The following ZNF786 variants were observed in gnomAD, a reference collection of about 807,000 sequenced individuals.
ZNF786 encodes zinc finger protein 786.
A neutral mutation model predicts 63.1 loss-of-function variants in ZNF786; 56 were observed. That is an observed-to-expected ratio of 0.89 (90% CI 0.72 to 1.11). The LOEUF is 1.11. ZNF786 is among the 50% of genes least tolerant of loss of function. ZNF786 has a pLI of 0.00. For missense variants in ZNF786, 1,213 were observed against 1,041.8 expected, an observed-to-expected ratio of 1.16 and a Z score of -2.26; for synonymous variants, 485 against 406.9, an observed-to-expected ratio of 1.19 and a Z score of -2.31.
intron 1 of ZNF786, among the ~76,000 whole-genome samples, chr7:149,084,775 C>T (rs187798717): frequency 3.6e-4 from 55 of 152,274 alleles, no homozygotes; most frequent in African/African-American, 1.3e-3. Flanking sequence ...TCTTTTGCTG[C>T]ATAGAAGCTC....
Position 149,070,306 on chromosome 7 carries a change from T to C in ZNF786, c.*117A>G. 2.9e-6 allele frequency: 4 copies of C among 1,358,822 alleles called. No individual in the cohort carries two copies. Among genetic ancestry groups the C allele is most frequent in the Non-Finnish European group, 4.0e-6 (4 of 993,980 alleles). The allele number at this position is 1,358,822 out of a possible 1,614,324, so 84.2% of individuals were successfully genotyped here. ...CATATTCCTAACTTGCATGACACTC[T>C]TGCTCAAAGAAGGATACCTGCTCCT... is the stretch of plus-strand genomic sequence containing the variant. On this transcript the variant is annotated 3_prime_UTR_variant, in exon 4 of 4. Coordinates refer to ENST00000491431, the MANE Select transcript of ZNF786 (RefSeq NM_152411.4).
At chr7:149,074,590 C>CT in intron 2 of ZNF786, 52 bp from the exon 3 acceptor site, 1 of 1,554,870 alleles carries the variant, frequency 6.4e-7, no homozygotes, top group South Asian at 1.2e-5. Context: ...TTAAAGCACA[C>CT]TAAGTTTCTA....
At position 149,072,195 on chromosome 7, in the gene ZNF786, C is replaced by A. The variant is rs774438128; in HGVS notation, c.577G>T (p.Gly193Trp). The A allele has an allele frequency of 6.0e-5, 96 of 1,613,328 alleles. 2 individuals are homozygous for A. The South Asian group carries it at 9.1e-4, about 15-fold the overall frequency. The change falls in exon 4 of 4, where the codon GGG becomes TGG. Residue 193 changes from glycine (G) to tryptophan (W), a missense_variant. Physicochemically the swap from Gly to Trp is radical, Grantham distance 184 (BLOSUM62 -2). Coordinates refer to ENST00000491431, the MANE Select transcript of ZNF786 (RefSeq NM_152411.4). Reference sequence around the variant, plus strand: ...TGGTTGTTCTCCCAACAGCTTTCCCCGCAGACAGGCCAAGGGTGCTGGGTG... The same window carrying A: ...TGGTTGTTCTCCCAACAGCTTTCCCAGCAGACAGGCCAAGGGTGCTGGGTG... ...ESTQHPWPVCGESCWENNHLV... is the reference protein window; with the variant it reads ...ESTQHPWPVCWESCWENNHLV...
At chr7:149,087,406 A>AT (rs1825755944) in intron 1 of ZNF786, among the ~76,000 whole-genome samples, 1 of 152,156 alleles carries the variant, frequency 6.6e-6, no homozygotes, top group Non-Finnish European at 1.5e-5. Flanking sequence ...CCCTGGCAAC[A>AT]TTTTTTATTG....
In ZNF786 at chr7:149,071,642, C is replaced by G. The variant is rs773179415; in HGVS notation, c.1130G>C (p.Arg377Pro). Residue 377 changes from arginine (R) to proline (P), a missense_variant, in exon 4 of 4, where the codon CGC (arginine) becomes CCC (proline). Physicochemically the swap from Arg to Pro is moderately radical, Grantham distance 103 (BLOSUM62 -2). Transcript: ENST00000491431. ...GGCGAGCCTGGCGCTCATAGGGGAGCGCTCGCCACACTCCGAGCAGGAGCA... is the reference window on the plus strand; with the variant it reads ...GGCGAGCCTGGCGCTCATAGGGGAGGGCTCGCCACACTCCGAGCAGGAGCA... ...GPCSCSECGERSPMSARLASP... is the reference protein window; with the variant it reads ...GPCSCSECGEPSPMSARLASP... The G allele has an allele frequency of 3.8e-6, 6 of 1,576,574 alleles. No homozygotes were observed. In the Admixed American group the frequency reaches 1.1e-4, roughly 29 times the overall value.
intron 1 of ZNF786, among the ~76,000 whole-genome samples, chr7:149,084,570 A>G (rs1180910345): frequency 1.3e-5 from 2 of 152,174 alleles, no homozygotes; most frequent in Non-Finnish European, 2.9e-5. Context: ...GCATTTCTTC[A>G]TAAGCTTGTT....
intron 1 of ZNF786, among the ~76,000 whole-genome samples, chr7:149,087,865 C>T (rs1825762752): frequency 6.6e-6 from 1 of 151,420 alleles, no homozygotes; most frequent in East Asian, 1.9e-4. Context: ...ACACAGCTTA[C>T]CATAGCTTTG....
chr7:149,071,133 G>A lies in ZNF786; in HGVS notation c.1639C>T (p.Arg547Cys), dbSNP rs375385648. ...TGGGCCTTCAGGATGCCCTTCAGGC[G>A]GAAGCGCTTGTCGCACTTCAGGCAC... The part of the protein sequence containing the change: ...FQCLKCDKRF[R>C]LKGILKAHQH... The change falls in exon 4 of 4, where the codon CGC (arginine) becomes TGC (cysteine). Residue 547 changes from arginine to cysteine, a missense_variant. Arg to Cys is a radical substitution (Grantham distance 180). Coordinates refer to ENST00000491431, the MANE Select transcript of ZNF786 (RefSeq NM_152411.4). 3 of 1,611,580 alleles carry A rather than the reference G, an allele frequency of 1.9e-6. No individual in the cohort carries two copies. The highest frequency in any genetic ancestry group is 1.1e-5 in the South Asian group (1 of 91,018).
chr7:149,072,801 C>G (rs1825455830), intron 3 of ZNF786, among the ~76,000 whole-genome samples: 1 of 152,234 alleles, frequency 6.6e-6, no homozygotes, highest in African/African-American at 2.4e-5. Flanking sequence ...CTTTTGACTT[C>G]AGCTCCTTCT....
In ZNF786 at chr7:149,070,192, CAG is replaced by C. The variant is rs901487235; in HGVS notation, c.*229_*230del. 17 of 445,924 alleles carry C rather than the reference CAG, an allele frequency of 3.8e-5. No homozygotes were observed. Among genetic ancestry groups the C allele is most frequent in the Non-Finnish European group, 2.3e-5 (6 of 260,716 alleles). 27.6% of individuals were successfully genotyped at this position (445,924 alleles called of 1,614,324 possible). On this transcript the variant is annotated 3_prime_UTR_variant, in exon 4 of 4. Coordinates refer to ENST00000491431, the MANE Select transcript of ZNF786 (RefSeq NM_152411.4). ...CGCCACTGCACTCCAGCCTGGGTGA[CAG>C]AGCAAAACTCCATCTTGGAAAAAAA...
At chr7:149,081,906 G>C (rs1825659133) in intron 1 of ZNF786, among the ~76,000 whole-genome samples, 1 of 152,084 alleles carries the variant, frequency 6.6e-6, no homozygotes. Flanking sequence ...ATTCAACAAA[G>C]TCTCAGGTAA....
Position 149,072,460 on chromosome 7 carries a change from A to G in ZNF786, c.312T>C (p.Ala104=), listed in dbSNP as rs751613178. Residue 104 remains alanine (A), a synonymous_variant, in exon 4 of 4, where the codon GCT becomes GCC. Transcript: ENST00000491431. ...GGCTTTTAGTTTTTCCTGAATTCAT[A>G]GCCTGCTGGCTTCCTGCAATTGAAA... The part of the protein sequence containing the change: ...EEQLFWGSQQ[A]MNSGKTKSHF... 9 of 1,590,610 alleles carry G rather than the reference A, an allele frequency of 5.7e-6. No individual in the cohort carries two copies. Among genetic ancestry groups the G allele is most frequent in the Non-Finnish European group, 6.8e-6 (8 of 1,169,970 alleles).
intron 1 of ZNF786, chr7:149,081,233 C>A: frequency 2.2e-6 from 1 of 448,696 alleles, no homozygotes. Flanking sequence ...GTCAGGAGTT[C>A]GAGATCAGCC....
chr7:149,077,363 C>CA (rs1825571073), intron 2 of ZNF786, among the ~76,000 whole-genome samples: 1 of 152,138 alleles, frequency 6.6e-6, no homozygotes, highest in African/African-American at 2.4e-5. Flanking sequence ...CGTGGTGACT[C>CA]ACGCCTGTAA....
chr7:149,071,865 TG>T lies in ZNF786; in HGVS notation c.906del (p.Lys303SerfsTer78), dbSNP rs1461053160. 6.3e-7 allele frequency: 1 copy of T among 1,599,616 alleles called. No homozygotes were observed. Among genetic ancestry groups the T allele is most frequent in the Non-Finnish European group, 8.5e-7 (1 of 1,176,012 alleles). ...GEKPAQCTPC[G>X]KRSLPVDSTQ... Reference sequence around the variant, plus strand: ...GTGCTGTCCACTGGGAGGGAGCGCTTGCCGCATGGGGTGCACTGGGCAGGCT... The same window carrying T: ...GTGCTGTCCACTGGGAGGGAGCGCTTCCGCATGGGGTGCACTGGGCAGGCT... On this transcript the variant is annotated frameshift_variant, in exon 4 of 4. Transcript: ENST00000491431. LOFTEE classifies it high-confidence loss of function.
chr7:149,089,337 T>C (rs1426812995), intron 1 of ZNF786, among the ~76,000 whole-genome samples: 6 of 141,084 alleles, frequency 4.3e-5, no homozygotes, highest in African/African-American at 1.1e-4. Flanking sequence ...GTTTTTGAGA[T>C]AGAGTCTCGC....
At position 149,070,713 on chromosome 7, in the gene ZNF786, G is replaced by A; in HGVS notation, c.2059C>T (p.Leu687=). 4 of 1,613,840 alleles carry A rather than the reference G, an allele frequency of 2.5e-6. No individual in the cohort carries two copies. The highest frequency in any genetic ancestry group is 1.1e-5 in the South Asian group (1 of 91,086). The change falls in exon 4 of 4, where the codon CTG becomes TTG. Residue 687 remains leucine (L), a synonymous_variant. Coordinates refer to ENST00000491431, the MANE Select transcript of ZNF786 (RefSeq NM_152411.4). ...TGATGGCTGAGCAGCTGCGCCTTCA[G>A]GCGGAAACTCTTGTCACACTTGGGA... The part of the protein sequence containing the change: ...QCPKCDKSFR[L]KAQLLSHQGL...
chr7:149,070,266 T>G lies in ZNF786; in HGVS notation c.*157A>C, dbSNP rs1159638910. On this transcript the variant is annotated 3_prime_UTR_variant, in exon 4 of 4. Coordinates refer to ENST00000491431, the MANE Select transcript of ZNF786 (RefSeq NM_152411.4). ...ATTGGTGATGCTTCTGAAGAGAAAA[T>G]CCTTTGTGGTTCTTCATATTCCTAA... 1 of 855,120 alleles carries G rather than the reference T, an allele frequency of 1.2e-6. No individual in the cohort carries two copies. The highest frequency in any genetic ancestry group is 1.8e-6 in the Non-Finnish European group (1 of 565,922). 53.0% of individuals were successfully genotyped at this position (855,120 alleles called of 1,614,324 possible).
chr7:149,075,902 A>C (rs1825539477), intron 2 of ZNF786, among the ~76,000 whole-genome samples: 1 of 151,726 alleles, frequency 6.6e-6, no homozygotes, highest in Non-Finnish European at 1.5e-5. Context: ...AGCCCAAGAT[A>C]TCCTCCTACC....
Sources: allele counts gnomAD v4.1 joint callset (sites outside exome capture counted in the v4.1 genomes callset), GRCh38; gene constraint gnomAD v4.1.1; transcripts MANE v1.5; gene names NCBI Gene and HGNC (gene_info 2026-07-23, HGNC 2026-07-21).